The following HIPK2 variants were observed in gnomAD, a reference collection of about 807,000 sequenced individuals.
HIPK2 encodes the protein homeodomain-interacting protein kinase 2.
In HIPK2, 27 loss-of-function variants were observed where a neutral mutation model predicts 113.7. The ratio of observed to expected loss-of-function variants is 0.24; its 90% CI spans 0.17 to 0.33. The LOEUF (loss-of-function observed/expected upper bound fraction) is 0.33, where lower values mean the gene tolerates loss of function less well. HIPK2 is among the 10% of genes least tolerant of loss of function. The probability of loss-of-function intolerance (pLI) is 1.00; values close to 1 mark genes in which losing one functional copy is unlikely to be tolerated. For synonymous variants in HIPK2, 631 were observed against 642.2 expected (o/e 0.98, Z 0.26); for missense variants, 1,257 against 1,588.0 (o/e 0.79, Z 3.54).
intron 1 of HIPK2, among the ~76,000 whole-genome samples, chr7:139,721,510 G>GT (rs1177325905): frequency 6.6e-6 from 1 of 152,104 alleles, no homozygotes; most frequent in African/African-American, 2.4e-5. Context: ...GGGACTCAAT[G>GT]TTTTTTTCCA....
At chr7:139,624,346 C>T (rs1172796648) in intron 6 of HIPK2, among the ~76,000 whole-genome samples, 1 of 152,088 alleles carries the variant, frequency 6.6e-6, no homozygotes, top group African/African-American at 2.4e-5. Flanking sequence ...CTCTCCCCTT[C>T]GTTCACTGAG....
At position 139,572,724 on chromosome 7, in the gene HIPK2, T is replaced by A. The variant is rs1334346618; in HGVS notation, c.*203A>T. The A allele has an allele frequency of 2.4e-5, 12 of 500,438 alleles. No individual in the cohort carries two copies. The African/African-American group carries it at 2.4e-4, about 10-fold the overall frequency. The allele number at this position is 500,438 out of a possible 1,614,324, so 31.0% of individuals were successfully genotyped here. A position where few individuals can be genotyped will look rare whatever the true frequency, so the allele number is the denominator to read the frequency against. ...GCTCTACGTCCTCCCACTTCCCGGT[T>A]CAAGTTTCACTGGTGTCCCGACCCG... On this transcript the variant is annotated 3_prime_UTR_variant, in exon 15 of 15. Coordinates refer to ENST00000406875, the MANE Select transcript of HIPK2 (RefSeq NM_022740.5).
intron 2 of HIPK2, among the ~76,000 whole-genome samples, chr7:139,646,331 AC>A (rs1394449030): frequency 6.6e-6 from 1 of 151,960 alleles, no homozygotes; most frequent in Non-Finnish European, 1.5e-5. Context: ...CTCCGTCCCT[AC>A]AAAAAATTTT....
chr7:139,709,382 G>A (rs1431830004), intron 2 of HIPK2, among the ~76,000 whole-genome samples: 1 of 152,162 alleles, frequency 6.6e-6, no homozygotes, highest in Non-Finnish European at 1.5e-5. Flanking sequence ...TCTATATGCT[G>A]TAATCTGCAC....
At chr7:139,766,211 T>C (rs1290415127) in intron 1 of HIPK2, among the ~76,000 whole-genome samples, 1 of 152,230 alleles carries the variant, frequency 6.6e-6, no homozygotes, top group Non-Finnish European at 1.5e-5. Flanking sequence ...GAACCTCTTT[T>C]GAGTGTTACT....
At chr7:139,727,464 T>C (rs988178160) in intron 1 of HIPK2, among the ~76,000 whole-genome samples, 1 of 152,258 alleles carries the variant, frequency 6.6e-6, no homozygotes, top group Non-Finnish European at 1.5e-5. Flanking sequence ...TTTTATGTCA[T>C]CTGCCTTGAA....
At chr7:139,656,833 A>G (rs1307694395) in intron 2 of HIPK2, among the ~76,000 whole-genome samples, 1 of 150,668 alleles carries the variant, frequency 6.6e-6, no homozygotes, top group Non-Finnish European at 1.5e-5. Context: ...TCCTTCTCTT[A>G]TTCAAATCCT....
intron 7 of HIPK2, among the ~76,000 whole-genome samples, chr7:139,617,644 G>C (rs916250486): frequency 5.3e-5 from 8 of 152,302 alleles, no homozygotes; most frequent in Admixed American, 6.5e-5. Flanking sequence ...TTAGAAAGTA[G>C]AGGAAGTCAG....
chr7:139,704,128 ACAC>A (rs1368798284), intron 2 of HIPK2, among the ~76,000 whole-genome samples: 3 of 127,712 alleles, frequency 2.3e-5, no homozygotes, highest in Non-Finnish European at 4.9e-5. Context: ...CACCACACAC[ACAC>A]CACACACACA....
intron 2 of HIPK2, among the ~76,000 whole-genome samples, chr7:139,679,996 G>A (rs1434929190): frequency 2.6e-5 from 4 of 152,066 alleles, no homozygotes; most frequent in East Asian, 1.9e-4. Flanking sequence ...AGCAAAGTTC[G>A]CTGCAAATGT....
chr7:139,715,293 T>G (rs1399677699), intron 2 of HIPK2, among the ~76,000 whole-genome samples: 1 of 152,138 alleles, frequency 6.6e-6, no homozygotes, highest in Non-Finnish European at 1.5e-5. Flanking sequence ...AAGCCTGAAG[T>G]CACCTTACCA....
At position 139,626,717 on chromosome 7, in the gene HIPK2, A is replaced by G; in HGVS notation, c.1503T>C (p.Ile501=). The stretch of plus-strand genomic sequence containing the variant: ...TGGTCAGCATCTTCTTCAACAGGTC[A>G]ATGAACTCCCGCCGGTCAGCCTTTT... ...LVEKADRREF[I]DLLKKMLTID... is the part of the protein sequence containing the mutation. The change falls in exon 6 of 15, where the codon ATT becomes ATC. Residue 501 remains isoleucine, a synonymous_variant. Transcript: ENST00000406875. 6.2e-7 allele frequency: 1 copy of G among 1,613,922 alleles called. No individual in the cohort carries two copies. The highest frequency in any genetic ancestry group is 8.5e-7 in the Non-Finnish European group (1 of 1,179,894).
At chr7:139,578,117 C>T (rs1410069844) in intron 13 of HIPK2, among the ~76,000 whole-genome samples, 1 of 152,166 alleles carries the variant, frequency 6.6e-6, no homozygotes, top group Non-Finnish European at 1.5e-5. Flanking sequence ...TCAAGTGATT[C>T]TCCTGCCTCA....
chr7:139,602,055 C>T (rs899315819), intron 10 of HIPK2, among the ~76,000 whole-genome samples: 2 of 149,232 alleles, frequency 1.3e-5, no homozygotes, highest in Non-Finnish European at 3.0e-5. Context: ...TGGGTTCAAG[C>T]GATTCTCCTG....
intron 5 of HIPK2, 132 bp from the exon 6 acceptor site, chr7:139,626,917 C>A (rs1800452804): frequency 2.0e-6 from 2 of 987,860 alleles, no homozygotes; most frequent in African/African-American, 1.6e-5. Context: ...AGGAACTCTG[C>A]CCCTATGGGA....
chr7:139,679,534 G>A (rs890237338), intron 2 of HIPK2, among the ~76,000 whole-genome samples: 1 of 152,102 alleles, frequency 6.6e-6, no homozygotes, highest in Non-Finnish European at 1.5e-5. Flanking sequence ...ACAACCTATC[G>A]AACTGCCTTT....
chr7:139,760,165 G>A (rs1407480369), intron 1 of HIPK2, among the ~76,000 whole-genome samples: 1 of 152,038 alleles, frequency 6.6e-6, no homozygotes, highest in African/African-American at 2.4e-5. Flanking sequence ...ACCACGCCCA[G>A]CTAATTTTTT....
chr7:139,752,299 A>T (rs182581192), intron 1 of HIPK2, among the ~76,000 whole-genome samples: 6 of 152,266 alleles, frequency 3.9e-5, no homozygotes, highest in Admixed American at 3.9e-4. Context: ...TGTCCCCCAG[A>T]CACCTGTCAT....
Position 139,657,489 on chromosome 7 carries a change from C to T in HIPK2, c.1104-25764G>A, listed in dbSNP as rs10232015. Among the ~76,000 whole-genome samples the T allele has an allele frequency of 8.3e-3, 1,262 of 152,288 alleles. 21 individuals are homozygous for T. The highest frequency in any genetic ancestry group is 0.029 in the African/African-American group (1,205 of 41,552). On this transcript the variant is annotated intron_variant, in intron 2 of 14. Transcript: ENST00000406875. ...TCACCTTCAGCTGCACATCTCTAGA[C>T]AGAGACAGGACTGGCACATTCTGCC...
Sources: gnomAD v4.1 joint callset for allele counts (sites outside exome capture counted in the v4.1 genomes callset) on GRCh38, gnomAD v4.1.1 for gene constraint, MANE v1.5 for transcripts, NCBI Gene and HGNC (gene_info 2026-07-23, HGNC 2026-07-21) for gene names.